Variants in AFF3 observed in about 807,000 individuals in gnomAD.
The protein encoded by AFF3 is ALF transcription elongation factor 3.
Under a neutral mutation model 129.7 loss-of-function variants are expected in AFF3, and 32 were observed. The ratio of observed to expected loss-of-function variants is 0.25; its 90% confidence interval spans 0.19 to 0.33. The LOEUF (loss-of-function observed/expected upper bound fraction) is 0.33. Ranked by LOEUF, AFF3 falls within the 10% of genes least tolerant of loss-of-function variation. The probability of loss-of-function intolerance (pLI) is 1.00; values close to 1 mark genes in which losing one functional copy is unlikely to be tolerated. For missense variants in AFF3, 1,373 were observed against 1,592.0 expected (o/e 0.86, Z 2.34); for synonymous variants, 644 against 635.4 (o/e 1.01, Z -0.20).
chr2:100,016,020 A>G (rs1427036567), intron 4 of AFF3, among the ~76,000 whole-genome samples: 3 of 146,306 alleles, frequency 2.1e-5, no homozygotes, highest in African/African-American at 7.6e-5. Flanking sequence ...GTGTTGTGGT[A>G]GTGGTGGTGG....
intron 13 of AFF3, among the ~76,000 whole-genome samples, chr2:99,605,297 G>T (rs2105126431): frequency 6.6e-6 from 1 of 152,298 alleles, no homozygotes; most frequent in Middle Eastern, 3.4e-3. Context: ...TACTTTACTT[G>T]TAAGGGTTGT....
chr2:99,637,403 T>C (rs1458956747), intron 13 of AFF3, among the ~76,000 whole-genome samples: 1 of 152,224 alleles, frequency 6.6e-6, no homozygotes, highest in Non-Finnish European at 1.5e-5. Flanking sequence ...CAGAAACACA[T>C]ACGGGCACTG....
chr2:99,799,610 A>G (rs915411202), intron 8 of AFF3, among the ~76,000 whole-genome samples: 1 of 152,108 alleles, frequency 6.6e-6, no homozygotes, highest in African/African-American at 2.4e-5. Flanking sequence ...TTTGTGTGGA[A>G]ATTGACAAGT....
At chr2:99,936,421 G>A (rs1440280281) in intron 7 of AFF3, among the ~76,000 whole-genome samples, 2 of 152,104 alleles carry the variant, frequency 1.3e-5, no homozygotes, top group African/African-American at 2.4e-5. Flanking sequence ...GGACAAGGGA[G>A]CCAGCTGAGT....
At chr2:99,953,020 C>T (rs1327892380) in intron 7 of AFF3, among the ~76,000 whole-genome samples, 8 of 152,206 alleles carry the variant, frequency 5.3e-5, no homozygotes, top group Non-Finnish European at 1.2e-4. Flanking sequence ...TGCCTGAGGT[C>T]CAGTAAGCAC....
intron 4 of AFF3, among the ~76,000 whole-genome samples, chr2:100,047,477 C>T (rs1337901589): frequency 6.6e-6 from 1 of 152,134 alleles, no homozygotes; most frequent in African/African-American, 2.4e-5. Flanking sequence ...ACACAGACCC[C>T]GTCCTTATTA....
intron 13 of AFF3, among the ~76,000 whole-genome samples, chr2:99,621,179 C>T (rs533733937): frequency 6.6e-6 from 1 of 152,258 alleles, no homozygotes; most frequent in South Asian, 2.1e-4. Context: ...TGAGCAATGG[C>T]GAGGCCAAGA....
chr2:99,710,876 G>A (rs1352442978), intron 11 of AFF3, among the ~76,000 whole-genome samples: 2 of 152,210 alleles, frequency 1.3e-5, no homozygotes, highest in Admixed American at 6.5e-5. Flanking sequence ...TCTGCCAACA[G>A]CAGAAGGCCC....
chr2:100,071,048 C>G (rs1688144467), intron 4 of AFF3, among the ~76,000 whole-genome samples: 1 of 152,084 alleles, frequency 6.6e-6, no homozygotes, highest in Non-Finnish European at 1.5e-5. Flanking sequence ...AATACTGTAG[C>G]TAAATACTTA....
At chr2:99,957,170 C>A (rs943823637) in intron 7 of AFF3, among the ~76,000 whole-genome samples, 1 of 147,764 alleles carries the variant, frequency 6.8e-6, no homozygotes, top group Admixed American at 6.6e-5. Context: ...TGTGCATGTA[C>A]GTGTGTGTGT....
chr2:99,685,279 T>C (rs957584200), intron 11 of AFF3, among the ~76,000 whole-genome samples: 2 of 152,198 alleles, frequency 1.3e-5, no homozygotes, highest in Non-Finnish European at 2.9e-5. Flanking sequence ...AGGCCAAGTA[T>C]ATTGAGAGTT....
chr2:99,799,473 G>A (rs1051676082), intron 8 of AFF3, among the ~76,000 whole-genome samples: 10 of 152,024 alleles, frequency 6.6e-5, no homozygotes, highest in African/African-American at 1.9e-4. Flanking sequence ...AACATTTGAT[G>A]AGAAGCAAAT....
chr2:99,932,524 C>A (rs1385029900), intron 7 of AFF3, among the ~76,000 whole-genome samples: 3 of 152,186 alleles, frequency 2.0e-5, no homozygotes, highest in Non-Finnish European at 4.4e-5. Context: ...CTTCCCCACA[C>A]TACATCGACC....
rs778492211 is a variant in AFF3 at position 99,568,845 on chromosome 2, G to A, written c.2982+7C>T. Reference sequence around the variant, plus strand: ...GAAGAACGTATCTGGAAAGAAAAGGGTCTCACCATTGCATCTGCTTTATGC... The same window carrying A: ...GAAGAACGTATCTGGAAAGAAAAGGATCTCACCATTGCATCTGCTTTATGC... On this transcript the variant is annotated splice_region_variant and intron_variant, in intron 19 of 24. Transcript: ENST00000672756. The A allele has an allele frequency of 1.2e-6, 2 of 1,613,778 alleles. No homozygotes were observed. The highest frequency in any genetic ancestry group is 4.5e-5 in the East Asian group (2 of 44,876).
At chr2:99,782,359 T>C (rs1309288865) in intron 8 of AFF3, among the ~76,000 whole-genome samples, 4 of 151,896 alleles carry the variant, frequency 2.6e-5, no homozygotes, top group Non-Finnish European at 5.9e-5. Context: ...TGAGAGAGAG[T>C]AGAAGGAACA....
chr2:99,915,188 G>A (rs1190122617), intron 7 of AFF3, among the ~76,000 whole-genome samples: 1 of 151,886 alleles, frequency 6.6e-6, no homozygotes, highest in African/African-American at 2.4e-5. Flanking sequence ...TTTTAAAAAG[G>A]CTCTCGATAA....
At chr2:99,596,022 C>T (rs1021195281) in intron 14 of AFF3, among the ~76,000 whole-genome samples, 14 of 152,204 alleles carry the variant, frequency 9.2e-5, no homozygotes, top group African/African-American at 1.9e-4. Context: ...TGTGAGGATG[C>T]GGAAGCCCAT....
chr2:99,759,981 A>G (rs576581198), intron 8 of AFF3, among the ~76,000 whole-genome samples: 13 of 152,332 alleles, frequency 8.5e-5, no homozygotes, highest in African/African-American at 3.1e-4. Context: ...TTACAACCAG[A>G]GGAAATGGGG....
intron 7 of AFF3, among the ~76,000 whole-genome samples, chr2:99,947,277 C>T (rs961963266): frequency 6.6e-6 from 1 of 152,008 alleles, no homozygotes. Context: ...CCCGTCTCTA[C>T]TAAAAATACA....
Sources: gnomAD v4.1 joint callset for allele counts (sites outside exome capture counted in the v4.1 genomes callset) on GRCh38, gnomAD v4.1.1 for gene constraint, MANE v1.5 for transcripts, NCBI Gene and HGNC (gene_info 2026-07-23, HGNC 2026-07-21) for gene names.